Variants in ASIC2 observed in about 807,000 individuals in gnomAD.
ASIC2 encodes acid-sensing ion channel 2.
Under a neutral mutation model 57.3 loss-of-function variants are expected in ASIC2, and 25 were observed. The ratio of observed to expected loss-of-function variants is 0.44; its 90% CI spans 0.32 to 0.61. The LOEUF is 0.61. Among genes scored for constraint, ASIC2 ranks in the 20% least tolerant of loss-of-function variants. The pLI, the probability that ASIC2 is intolerant of heterozygous loss-of-function variation, is 0.06. For synonymous variants in ASIC2, 319 were observed against 307.5 expected (o/e 1.04, Z -0.39); for missense variants, 641 against 738.1 (o/e 0.87, Z 1.52).
chr17:33,448,506 C>T (rs373207963), intron 1 of ASIC2, among the ~76,000 whole-genome samples: 23 of 152,128 alleles, frequency 1.5e-4, no homozygotes, highest in South Asian at 6.2e-4. Context: ...AGGGAGATTA[C>T]GCACTCAGAG....
rs118053221 is a variant in ASIC2 at position 33,560,559 on chromosome 17, C to T, written c.556-448492G>A. ...ATTTTTTTAAATGTTCAGAGGAAAGCGAGGTGTGGGTCTGTGGTTTGAGAC... is the reference window on the plus strand; with the variant it reads ...ATTTTTTTAAATGTTCAGAGGAAAGTGAGGTGTGGGTCTGTGGTTTGAGAC... On this transcript the variant is annotated intron_variant, in intron 1 of 9. Coordinates refer to the ASIC2 transcript ENST00000359872. 4.4e-3 allele frequency among the ~76,000 whole-genome samples: 666 copies of T among 152,152 alleles called. 5 individuals are homozygous for T. The highest frequency in any genetic ancestry group is 0.012 in the East Asian group (61 of 5,178).
intron 1 of ASIC2, among the ~76,000 whole-genome samples, chr17:33,655,855 T>C (rs1907058123): frequency 6.6e-6 from 1 of 152,206 alleles, no homozygotes; most frequent in Admixed American, 6.5e-5. Flanking sequence ...ATATCTATCA[T>C]GAAGAGAGAG....
At chr17:34,149,882 T>C (rs982106921) in intron 1 of ASIC2, among the ~76,000 whole-genome samples, 3 of 152,320 alleles carry the variant, frequency 2.0e-5, no homozygotes, top group Middle Eastern at 3.4e-3. Context: ...GCAATCCCAC[T>C]ACTGGGTATA....
chr17:33,873,079 G>A (rs1194577894), intron 1 of ASIC2, among the ~76,000 whole-genome samples: 3 of 152,124 alleles, frequency 2.0e-5, no homozygotes, highest in Non-Finnish European at 2.9e-5. Context: ...GGCTGTTGCC[G>A]GCCCATTCTC....
In ASIC2 at chr17:33,384,574, C is replaced by T. The variant is rs114471526; in HGVS notation, c.556-272507G>A. The stretch of plus-strand genomic sequence containing the variant: ...TAACACTGTGAGTTTCCCTAGACTC[C>T]CCCAGTCCAGTGAGGAGGAGAATGG... On this transcript the variant is annotated intron_variant, in intron 1 of 9. Transcript: ENST00000359872. 7.8e-3 allele frequency among the ~76,000 whole-genome samples: 1,189 copies of T among 152,248 alleles called. 14 individuals carry two copies. The highest frequency in any genetic ancestry group is 0.026 in the African/African-American group (1,071 of 41,522).
intron 1 of ASIC2, among the ~76,000 whole-genome samples, chr17:33,617,578 C>T (rs1188228652): frequency 6.6e-6 from 1 of 152,184 alleles, no homozygotes; most frequent in African/African-American, 2.4e-5. Context: ...ACAAAATAAT[C>T]TGTACACCAG....
chr17:33,329,186 G>A (rs1597685346), intron 1 of ASIC2, among the ~76,000 whole-genome samples: 1 of 152,326 alleles, frequency 6.6e-6, no homozygotes. Flanking sequence ...TTGATTGTGT[G>A]ATGGTGGTAA....
rs1463745657 is a variant in ASIC2, at chr17:33,945,840, A to G, written c.555+210138T>C. 2.0e-5 allele frequency among the ~76,000 whole-genome samples: 3 copies of G among 152,328 alleles called. 1 individual carries two copies. In the Middle Eastern group the frequency reaches 0.01, roughly 518 times the overall value. ...CAGAGCAGCAGGCAGTCTCAGAAAC[A>G]ATAAACCAGGCCCTGATAAGTGGAA... is the stretch of plus-strand genomic sequence containing the variant. On this transcript the variant is annotated intron_variant, in intron 1 of 9. Transcript: ENST00000359872.
intron 1 of ASIC2, among the ~76,000 whole-genome samples, chr17:33,346,225 T>C (rs1907938663): frequency 7.9e-5 from 3 of 37,872 alleles, no homozygotes. Flanking sequence ...AGATTCCCTC[T>C]CAAAAAAAAA....
At chr17:33,547,434 G>T (rs936703019) in intron 1 of ASIC2, among the ~76,000 whole-genome samples, 1 of 152,136 alleles carries the variant, frequency 6.6e-6, no homozygotes, top group African/African-American at 2.4e-5. Flanking sequence ...CAGACCCATT[G>T]AATTGTCCAT....
intron 1 of ASIC2, among the ~76,000 whole-genome samples, chr17:34,097,579 A>AG (rs1370427499): frequency 1.3e-5 from 2 of 152,346 alleles, no homozygotes; most frequent in African/African-American, 2.4e-5. Flanking sequence ...CTTGTGAGAG[A>AG]GAAAAAATGG....
chr17:33,872,481 C>T (rs767386465), intron 1 of ASIC2, among the ~76,000 whole-genome samples: 56 of 152,194 alleles, frequency 3.7e-4, no homozygotes, highest in African/African-American at 1.2e-3. Flanking sequence ...ATACAGAGCT[C>T]GACAAGAGAG....
chr17:34,101,656 TC>T (rs1165166152), intron 1 of ASIC2, among the ~76,000 whole-genome samples: 1 of 152,226 alleles, frequency 6.6e-6, no homozygotes, highest in Non-Finnish European at 1.5e-5. Context: ...GTTTATGATT[TC>T]CATGATTATT....
At position 34,064,953 on chromosome 17, in the gene ASIC2, C is replaced by G. The variant is rs117495293; in HGVS notation, c.555+91025G>C. Among the ~76,000 whole-genome samples, 164 of 152,262 alleles carry G rather than the reference C, an allele frequency of 1.1e-3. 2 individuals are homozygous for G. In the East Asian group the frequency reaches 0.022, roughly 20 times the overall value. On this transcript the variant is annotated intron_variant, in intron 1 of 9. Coordinates refer to the ASIC2 transcript ENST00000359872. ...GTGGGAATGTAAACTAGTACAGCCA[C>G]TATAGGAAACAATGTGGAGATTCTT...
chr17:33,781,645 A>G (rs1361540709), intron 1 of ASIC2, among the ~76,000 whole-genome samples: 4 of 152,164 alleles, frequency 2.6e-5, no homozygotes, highest in African/African-American at 9.6e-5. Flanking sequence ...TCCACATAGA[A>G]TTAAAGCATC....
At chr17:33,505,782 C>A (rs1914231110) in intron 1 of ASIC2, among the ~76,000 whole-genome samples, 2 of 152,210 alleles carry the variant, frequency 1.3e-5, no homozygotes, top group East Asian at 3.9e-4. Context: ...GAACTCTCAA[C>A]CTTGCTATCC....
chr17:33,444,435 T>C (rs1911938175), intron 1 of ASIC2, among the ~76,000 whole-genome samples: 1 of 151,984 alleles, frequency 6.6e-6, no homozygotes, highest in South Asian at 2.1e-4. Flanking sequence ...GAGGAGTGAG[T>C]CAGGGGTGCA....
intron 1 of ASIC2, among the ~76,000 whole-genome samples, chr17:33,999,469 AT>A (rs1906267170): frequency 6.6e-6 from 1 of 151,972 alleles, no homozygotes; most frequent in East Asian, 1.9e-4. Flanking sequence ...GTCTTTCATG[AT>A]TTGATAATTT....
chr17:33,066,443 G>A (rs572923559), intron 3 of ASIC2, among the ~76,000 whole-genome samples: 59 of 152,264 alleles, frequency 3.9e-4, no homozygotes, highest in Non-Finnish European at 5.4e-4. Flanking sequence ...ACCCAGCCTG[G>A]TGCTAGGCTT....
Sources: gnomAD v4.1 joint callset for allele counts (sites outside exome capture counted in the v4.1 genomes callset) on GRCh38, gnomAD v4.1.1 for gene constraint, MANE v1.5 for transcripts, NCBI Gene and HGNC (gene_info 2026-07-23, HGNC 2026-07-21) for gene names.